The following MED17 variants were observed in gnomAD, a reference collection of about 807,000 sequenced individuals.
MED17 encodes mediator of RNA polymerase II transcription subunit 17.
A neutral mutation model predicts 80.8 loss-of-function variants in MED17; 49 were observed. That is an observed-to-expected ratio of 0.61 (90% CI 0.48 to 0.77). The LOEUF (loss-of-function observed/expected upper bound fraction) is 0.77. MED17 is among the 30% of genes least tolerant of loss of function. The probability of loss-of-function intolerance (pLI) is 0.00; values close to 1 mark genes in which losing one functional copy is unlikely to be tolerated. For missense variants in MED17, 718 were observed against 787.0 expected (o/e 0.91, Z 1.05); for synonymous variants, 281 against 280.4 (o/e 1.00, Z -0.02).
rs1004796711 is a variant in MED17 at position 93,784,458 on chromosome 11, G to A, written c.-56G>A. On this transcript the variant is annotated 5_prime_UTR_variant, in exon 1 of 12. Coordinates refer to ENST00000251871, the MANE Select transcript of MED17 (RefSeq NM_004268.5). Reference sequence around the variant, plus strand: ...CTCTCCGCAGGGAAGCCTCCTCTTCGTACCTCGTTTTTTGGCTCGTGGGGG... The same window carrying A: ...CTCTCCGCAGGGAAGCCTCCTCTTCATACCTCGTTTTTTGGCTCGTGGGGG... 22 of 1,555,600 alleles carry A rather than the reference G, an allele frequency of 1.4e-5. No individual in the cohort carries two copies. In the African/African-American group the frequency reaches 1.5e-4, roughly 11 times the overall value.
intron 8 of MED17, among the ~76,000 whole-genome samples, chr11:93,799,231 G>A (rs113762456): frequency 2.0e-3 from 305 of 151,578 alleles, no homozygotes; most frequent in Middle Eastern, 6.8e-3. Flanking sequence ...ACCCAGGCTG[G>A]AGTGCAGTGG....
intron 1 of MED17, among the ~76,000 whole-genome samples, chr11:93,787,453 G>A (rs1591381864): frequency 6.6e-6 from 1 of 152,070 alleles, no homozygotes; most frequent in Admixed American, 6.6e-5. Flanking sequence ...CGCTCCATCT[G>A]TTAATAGTGG....
At position 93,790,809 on chromosome 11, in the gene MED17, A is replaced by G; in HGVS notation, c.637+16A>G. On this transcript the variant is annotated intron_variant, in intron 3 of 11. Coordinates refer to ENST00000251871, the MANE Select transcript of MED17 (RefSeq NM_004268.5). ...AGAAGTGCAGGTATGAATAATTATT[A>G]AAAACTATACTTTCTGGCCAGGTGT... is the stretch of plus-strand genomic sequence containing the variant. The G allele has an allele frequency of 6.2e-7, 1 of 1,607,986 alleles. No individual in the cohort carries two copies. Among genetic ancestry groups the G allele is most frequent in the South Asian group, 1.1e-5 (1 of 90,866 alleles).
chr11:93,790,722 G>A lies in MED17; in HGVS notation c.566G>A (p.Arg189Gln), dbSNP rs150314692. The A allele has an allele frequency of 1.5e-5, 25 of 1,614,128 alleles. No individual in the cohort carries two copies. Among genetic ancestry groups the A allele is most frequent in the African/African-American group, 8.0e-5 (6 of 74,948 alleles). ...LQRDFNSELL[R>Q]LRQHWKLRKV... ...AGAGACTTCAATTCTGAGCTTTTGC[G>A]ATTACGGCAACACTGGAAACTTCGA... The change falls in exon 3 of 12, where the codon CGA (arginine) becomes CAA (glutamine). Residue 189 changes from arginine (R) to glutamine (Q), a missense_variant. Transcript: ENST00000251871.
intron 2 of MED17, chr11:93,788,543 T>C: frequency 5.2e-6 from 1 of 192,200 alleles, no homozygotes; most frequent in South Asian, 8.8e-5. Context: ...AAGCCAGGCG[T>C]GGTGGTGGGC....
rs1944103139 is a variant in MED17, at chr11:93,813,310, A to G, written c.*1246A>G. Reference sequence around the variant, plus strand: ...TTTCTCCACCGTGTTTTCATTAAAGAAAAATGGAGCTTGTGGGCCACGATA... The same window carrying G: ...TTTCTCCACCGTGTTTTCATTAAAGGAAAATGGAGCTTGTGGGCCACGATA... On this transcript the variant is annotated 3_prime_UTR_variant, in exon 12 of 12. Coordinates refer to ENST00000251871, the MANE Select transcript of MED17 (RefSeq NM_004268.5). 6.6e-6 allele frequency: 1 copy of G among 152,214 alleles called. No individual in the cohort carries two copies. Among genetic ancestry groups the G allele is most frequent in the South Asian group, 2.1e-4 (1 of 4,828 alleles). The allele number at this position is 152,214 out of a possible 1,614,324, so 9.4% of individuals were successfully genotyped here.
In MED17 at chr11:93,793,867, AT is replaced by A; in HGVS notation, c.774+6del. On this transcript the variant is annotated splice_donor_region_variant and intron_variant, in intron 4 of 11. Coordinates refer to ENST00000251871, the MANE Select transcript of MED17 (RefSeq NM_004268.5). ...TAGAGGGGTCTGCATATATCAAGGTATTTGTCAAAATATTTTTCAAGTAATT... is the reference window on the plus strand; with the variant it reads ...TAGAGGGGTCTGCATATATCAAGGTATTGTCAAAATATTTTTCAAGTAATT... 1 of 1,613,546 alleles carries A rather than the reference AT, an allele frequency of 6.2e-7. No individual in the cohort carries two copies. Among genetic ancestry groups the A allele is most frequent in the Non-Finnish European group, 8.5e-7 (1 of 1,179,546 alleles).
Position 93,811,910 on chromosome 11 carries a change from G to T in MED17, c.1802G>T (p.Cys601Phe), listed in dbSNP as rs765770241. The T allele has an allele frequency of 3.3e-5, 54 of 1,613,948 alleles. No homozygotes were observed. The highest frequency in any genetic ancestry group is 4.6e-5 in the Non-Finnish European group (54 of 1,180,002). ...KIMVQFPRNQ[C>F]KDLPKSDVLQ... ...ATGGTTCAGTTTCCTCGTAACCAAT[G>T]TAAAGACCTTCCAAAAAGTGATGTT... The change falls in exon 12 of 12, where the codon TGT becomes TTT. Residue 601 changes from cysteine to phenylalanine, a missense_variant. Cys to Phe is a radical substitution (Grantham distance 205, BLOSUM62 -2). Transcript: ENST00000251871.
intron 6 of MED17, chr11:93,795,335 C>CAT: frequency 2.1e-6 from 1 of 469,070 alleles, no homozygotes; most frequent in South Asian, 2.4e-5. Flanking sequence ...TTTGCACTAG[C>CAT]ATAGCTATAG....
rs1944067318 is a variant in MED17 at position 93,809,759 on chromosome 11, G to T, written c.1627G>T (p.Val543Phe). Reference protein sequence around the residue: ...QVHAVQQLAKVMGWQVLSFSN... With the variant: ...QVHAVQQLAKFMGWQVLSFSN... The stretch of plus-strand genomic sequence containing the variant: ...ACATGCAGTTCAGCAACTCGCCAAG[G>T]TTATGGGCTGGCAAGTACTGAGCTT... The change falls in exon 11 of 12, where the codon GTT becomes TTT. Residue 543 changes from valine (V) to phenylalanine (F), a missense_variant. Physicochemically the swap from Val to Phe is conservative, Grantham distance 50. Transcript: ENST00000251871. 2.5e-6 allele frequency: 4 copies of T among 1,614,162 alleles called. No homozygotes were observed. Among genetic ancestry groups the T allele is most frequent in the Non-Finnish European group, 3.4e-6 (4 of 1,180,040 alleles).
rs555462281 is a variant in MED17, at chr11:93,806,265, C to T, written c.1467-1253C>T. The T allele has an allele frequency of 1.3e-5, 2 of 152,226 alleles. 1 individual carries two copies. Among genetic ancestry groups the T allele is most frequent in the South Asian group, 4.1e-4 (2 of 4,824 alleles). The allele number at this position is 152,226 out of a possible 1,614,324, so 9.4% of individuals were successfully genotyped here. The stretch of plus-strand genomic sequence containing the variant: ...GGATTACAGGCGTGAGCCACTGTGC[C>T]CAGCCTTTATTTTTTTTTATTACAA... On this transcript the variant is annotated intron_variant, in intron 9 of 11. Coordinates refer to ENST00000251871, the MANE Select transcript of MED17 (RefSeq NM_004268.5).
Position 93,788,221 on chromosome 11 carries a change from C to G in MED17, c.417+54C>G, listed in dbSNP as rs765879415. ...AATTTTATTTATTAAATCCCAGGACCCTTTTTTGGCTTTGTGCCTGTTGTT... is the reference window on the plus strand; with the variant it reads ...AATTTTATTTATTAAATCCCAGGACGCTTTTTTGGCTTTGTGCCTGTTGTT... On this transcript the variant is annotated intron_variant, in intron 2 of 11. Transcript: ENST00000251871. 100 of 1,494,186 alleles carry G rather than the reference C, an allele frequency of 6.7e-5. 1 individual carries two copies. The highest frequency in any genetic ancestry group is 4.5e-5 in the Non-Finnish European group (49 of 1,088,656). 92.6% of individuals were successfully genotyped at this position (1,494,186 alleles called of 1,614,324 possible). A position where few individuals can be genotyped will look rare whatever the true frequency, so the allele number is the denominator to read the frequency against.
At chr11:93,803,981 GTGTGTATATA>G in intron 9 of MED17, among the ~76,000 whole-genome samples, 1 of 71,100 alleles carries the variant, frequency 1.4e-5, no homozygotes, top group African/African-American at 7.9e-5. Flanking sequence ...ATGTGTGTGT[GTGTGTATATA>G]TGTGTGTGTA....
At position 93,797,525 on chromosome 11, in the gene MED17, T is replaced by C. The variant is rs372556323; in HGVS notation, c.1144-10T>C. 1.2e-6 allele frequency: 2 copies of C among 1,612,948 alleles called. No homozygotes were observed. The highest frequency in any genetic ancestry group is 1.7e-6 in the Non-Finnish European group (2 of 1,179,150). ...TGGATATTGGTATTTAAAATGGCTGTTTTTGTTAGTTTCATAAACAGACCT... is the reference window on the plus strand; with the variant it reads ...TGGATATTGGTATTTAAAATGGCTGCTTTTGTTAGTTTCATAAACAGACCT... On this transcript the variant is annotated splice_polypyrimidine_tract_variant and intron_variant, in intron 7 of 11. Coordinates refer to ENST00000251871, the MANE Select transcript of MED17 (RefSeq NM_004268.5).
intron 10 of MED17, chr11:93,808,470 A>G (rs1347427201): frequency 6.6e-6 from 1 of 150,940 alleles, no homozygotes; most frequent in Non-Finnish European, 1.5e-5. Flanking sequence ...TTCTTTTCAT[A>G]TCTAACTGTA....
chr11:93,800,758 T>G (rs1943954435), intron 8 of MED17: 1 of 152,236 alleles, frequency 6.6e-6, no homozygotes, highest in Admixed American at 6.5e-5. Context: ...TGCCTTAGTC[T>G]TTTGAGTAGC....
chr11:93,798,342 G>C (rs1318801258), intron 8 of MED17, among the ~76,000 whole-genome samples: 1 of 152,144 alleles, frequency 6.6e-6, no homozygotes, highest in Non-Finnish European at 1.5e-5. Flanking sequence ...CAGTGCTAAA[G>C]GGTGCTTTTC....
At chr11:93,807,084 A>T (rs1190395421) in intron 9 of MED17, 2 of 189,712 alleles carry the variant, frequency 1.1e-5, no homozygotes, top group African/African-American at 4.8e-5. Context: ...AGACACCTGC[A>T]TCTCCTCCAT....
intron 1 of MED17, 66 bp from the exon 2 acceptor site, chr11:93,787,935 T>G: frequency 3.8e-6 from 5 of 1,324,098 alleles, no homozygotes; most frequent in Non-Finnish European, 5.4e-6. Flanking sequence ...TAAACCTAAG[T>G]GAGCTGTCTG....
Sources: gnomAD v4.1 joint callset for allele counts (sites outside exome capture counted in the v4.1 genomes callset) on GRCh38, gnomAD v4.1.1 for gene constraint, MANE v1.5 for transcripts, NCBI Gene and HGNC (gene_info 2026-07-23, HGNC 2026-07-21) for gene names.